The following PLCL1 variants were observed in gnomAD, a reference collection of about 807,000 sequenced individuals.
PLCL1 encodes phospholipase C like 1 (inactive), also known as inactive phospholipase C-like protein 1.
PLCL1 carries 41 observed loss-of-function variants against 84.4 expected under a neutral mutation model. The ratio of observed to expected loss-of-function variants is 0.49; its 90% confidence interval spans 0.38 to 0.63. The LOEUF (loss-of-function observed/expected upper bound fraction) is 0.63, where lower values mean the gene tolerates loss of function less well. Ranked by LOEUF, PLCL1 falls within the 30% of genes least tolerant of loss-of-function variation. PLCL1 has a pLI of 0.00. For synonymous variants in PLCL1, 490 were observed against 488.3 expected (o/e 1.00, Z -0.05); for missense variants, 1,206 against 1,367.8 (o/e 0.88, Z 1.87).
chr2:197,954,294 A>G (rs1000753773), intron 1 of PLCL1, among the ~76,000 whole-genome samples: 1 of 152,138 alleles, frequency 6.6e-6, no homozygotes, highest in Non-Finnish European at 1.5e-5. Context: ...CTCAAATGCC[A>G]AATAATTGGA....
chr2:198,083,553 GAA>G (rs960660913), intron 1 of PLCL1, among the ~76,000 whole-genome samples: 1 of 152,084 alleles, frequency 6.6e-6, no homozygotes, highest in South Asian at 2.1e-4. Flanking sequence ...ATAGGCATTT[GAA>G]AAATAAGTTT....
At chr2:197,832,699 T>A (rs1394412799) in intron 1 of PLCL1, among the ~76,000 whole-genome samples, 1 of 151,786 alleles carries the variant, frequency 6.6e-6, no homozygotes, top group Admixed American at 6.6e-5. Context: ...GACAAAACAA[T>A]AAAAGAAAAT....
At chr2:197,824,772 T>C (rs1277122245) in intron 1 of PLCL1, among the ~76,000 whole-genome samples, 1 of 151,872 alleles carries the variant, frequency 6.6e-6, no homozygotes, top group Non-Finnish European at 1.5e-5. Context: ...AGCTTGTTTG[T>C]TTATGAGTCT....
chr2:198,019,562 AAC>A (rs1691083729), intron 1 of PLCL1, among the ~76,000 whole-genome samples: 1 of 152,232 alleles, frequency 6.6e-6, no homozygotes, highest in Non-Finnish European at 1.5e-5. Context: ...GAAGCTGAAA[AAC>A]ACAGCCCAAG....
chr2:198,065,271 A>G (rs1323196172), intron 1 of PLCL1, among the ~76,000 whole-genome samples: 1 of 152,150 alleles, frequency 6.6e-6, no homozygotes, highest in Non-Finnish European at 1.5e-5. Context: ...TCTTTAGTCC[A>G]AGGGGTACTC....
chr2:197,852,112 G>C (rs768306708), intron 1 of PLCL1, among the ~76,000 whole-genome samples: 1 of 152,178 alleles, frequency 6.6e-6, no homozygotes, highest in Non-Finnish European at 1.5e-5. Flanking sequence ...TGATGTACCG[G>C]GTGGTGATAG....
At chr2:197,873,673 A>T (rs1390746914) in intron 1 of PLCL1, among the ~76,000 whole-genome samples, 1 of 152,104 alleles carries the variant, frequency 6.6e-6, no homozygotes, top group Non-Finnish European at 1.5e-5. Flanking sequence ...GGGGGTGGGG[A>T]TTAGAACATT....
intron 5 of PLCL1, among the ~76,000 whole-genome samples, chr2:198,138,176 GTT>G (rs1491479751): frequency 1.8e-4 from 27 of 152,102 alleles, no homozygotes; most frequent in East Asian, 5.8e-4. Context: ...AGGTTTTTTT[GTT>G]TTGTTTTGTT....
intron 1 of PLCL1, among the ~76,000 whole-genome samples, chr2:197,922,526 G>A (rs1688723784): frequency 8.0e-6 from 1 of 124,294 alleles, no homozygotes. Context: ...TGAGCTGTTG[G>A]GCACACCTCC....
chr2:197,891,584 T>C (rs527689512), intron 1 of PLCL1, among the ~76,000 whole-genome samples: 1 of 152,086 alleles, frequency 6.6e-6, no homozygotes, highest in East Asian at 1.9e-4. Context: ...ATTTTTTTTT[T>C]TTTTTTGATA....
intron 5 of PLCL1, among the ~76,000 whole-genome samples, chr2:198,133,216 A>G (rs62277917): frequency 2.0e-5 from 3 of 151,002 alleles, no homozygotes; most frequent in Non-Finnish European, 3.0e-5. Context: ...ATGAGTTCAT[A>G]TCCTTTGTAG....
intron 1 of PLCL1, among the ~76,000 whole-genome samples, chr2:197,927,754 A>T (rs890836904): frequency 6.6e-6 from 1 of 152,200 alleles, no homozygotes; most frequent in African/African-American, 2.4e-5. Context: ...TCAAGTGTGC[A>T]TGGGTGAGAT....
chr2:197,866,108 CTA>C lies in PLCL1; in HGVS notation c.240+60782_240+60783del, dbSNP rs1257882180. Among the ~76,000 whole-genome samples the C allele has an allele frequency of 9.1e-3, 137 of 14,976 alleles. 27 individuals are homozygous for C. Among genetic ancestry groups the C allele is most frequent in the Admixed American group, 0.063 (75 of 1,196 alleles). The allele number at this position is 14,976 out of a possible 152,430, so 9.8% of individuals were successfully genotyped here. A position where few individuals can be genotyped will look rare whatever the true frequency, so the allele number is the denominator to read the frequency against. ...TATATAAACTATATATATATATAAA[CTA>C]TATATATATATAAACTATATATATA... On this transcript the variant is annotated intron_variant, in intron 1 of 5. Coordinates refer to ENST00000428675, the MANE Select transcript of PLCL1 (RefSeq NM_006226.4).
intron 1 of PLCL1, among the ~76,000 whole-genome samples, chr2:198,038,207 T>TAC (rs571099551): frequency 5.7e-4 from 87 of 151,628 alleles, no homozygotes; most frequent in African/African-American, 1.4e-3. Flanking sequence ...GCAAAGTGTG[T>TAC]ACACACACAC....
intron 1 of PLCL1, among the ~76,000 whole-genome samples, chr2:198,036,564 C>A (rs1691554341): frequency 6.6e-6 from 1 of 152,164 alleles, no homozygotes; most frequent in African/African-American, 2.4e-5. Context: ...CCTTCTATAT[C>A]ATAGAATGGA....
At chr2:197,856,352 C>T (rs1184577536) in intron 1 of PLCL1, among the ~76,000 whole-genome samples, 3 of 152,078 alleles carry the variant, frequency 2.0e-5, no homozygotes, top group African/African-American at 7.2e-5. Context: ...GAGAATGATG[C>T]TAAAATTTCT....
chr2:197,982,161 A>G (rs1355666217), intron 1 of PLCL1, among the ~76,000 whole-genome samples: 1 of 151,138 alleles, frequency 6.6e-6, no homozygotes, highest in East Asian at 1.9e-4. Context: ...TTTTTGTCTG[A>G]GTTTTTATTA....
intron 1 of PLCL1, among the ~76,000 whole-genome samples, chr2:198,006,896 C>G (rs140217548): frequency 6.6e-6 from 1 of 152,288 alleles, no homozygotes; most frequent in African/African-American, 2.4e-5. Flanking sequence ...CACCTGCTTT[C>G]ATTTTCCTAG....
chr2:197,975,401 C>T (rs779557140), intron 1 of PLCL1, among the ~76,000 whole-genome samples: 3 of 152,114 alleles, frequency 2.0e-5, no homozygotes, highest in Admixed American at 6.6e-5. Flanking sequence ...TTCTGCCAGG[C>T]TGTTAAACTG....
Sources: allele counts gnomAD v4.1 joint callset (sites outside exome capture counted in the v4.1 genomes callset), GRCh38; gene constraint gnomAD v4.1.1; transcripts MANE v1.5; gene names NCBI Gene and HGNC (gene_info 2026-07-23, HGNC 2026-07-21).